AK9: variants seen among roughly 807,000 people sequenced by gnomAD.
AK9 encodes the protein adenylate kinase domain containing 1.
AK9 carries 191 observed loss-of-function variants against 239.6 expected under a neutral mutation model. The observed-to-expected ratio is 0.80, with a 90% CI of 0.71 to 0.90. AK9 has a LOEUF of 0.90. Among genes scored for constraint, AK9 ranks in the 40% least tolerant of loss-of-function variants. The pLI, the probability that AK9 is intolerant of heterozygous loss-of-function variation, is 0.00. For synonymous variants in AK9, 689 were observed against 721.0 expected (o/e 0.96, Z 0.71); for missense variants, 1,995 against 2,214.7 (o/e 0.90, Z 1.99).
In AK9 at chr6:109,671,814, T is replaced by C. The variant is rs142068245; in HGVS notation, c.331+105A>G. On this transcript the variant is annotated intron_variant, in intron 5 of 40. Coordinates refer to ENST00000424296, the MANE Select transcript of AK9 (RefSeq NM_001145128.3). ...CTGAATAGAGATAATGAGATTCTTA[T>C]GCTAAGGCAAAAGAAAGGGCAACTC... 6.5e-5 allele frequency: 59 copies of C among 903,382 alleles called. 1 individual carries two copies. Among genetic ancestry groups the C allele is most frequent in the South Asian group, 5.5e-4 (33 of 60,262 alleles). The allele number at this position is 903,382 out of a possible 1,614,324, so 56.0% of individuals were successfully genotyped here.
chr6:109,655,558 C>CT (rs1438673850), intron 8 of AK9, among the ~76,000 whole-genome samples: 1 of 152,112 alleles, frequency 6.6e-6, no homozygotes, highest in African/African-American at 2.4e-5. Flanking sequence ...AGCTATCATT[C>CT]TTTTTCCTTT....
intron 17 of AK9, among the ~76,000 whole-genome samples, chr6:109,599,425 T>C (rs937773770): frequency 2.0e-5 from 3 of 152,176 alleles, no homozygotes; most frequent in Admixed American, 1.3e-4. Context: ...TTCTGTTCCA[T>C]TGGTCTATGT....
chr6:109,494,558 C>T (rs1160506283), intron 39 of AK9: 1 of 153,056 alleles, frequency 6.5e-6, no homozygotes, highest in South Asian at 2.1e-4. Flanking sequence ...GATTCCAGAG[C>T]CCAGAAGAAG....
Position 109,514,236 on chromosome 6 carries a change from C to T in AK9, c.4267G>A (p.Gly1423Arg). 6.4e-7 allele frequency: 1 copy of T among 1,550,460 alleles called. No individual in the cohort carries two copies. The highest frequency in any genetic ancestry group is 1.2e-5 in the South Asian group (1 of 83,708). Residue 1423 changes from glycine (G) to arginine (R), a missense_variant, in exon 32 of 41, where the codon GGG becomes AGG. By Grantham distance (125) the Gly-to-Arg change is moderately radical (BLOSUM62 -2). This residue lies in a region of AK9 where 1,290 missense variants were observed against 1,392.7 expected (regional missense o/e 0.93). Coordinates refer to ENST00000424296, the MANE Select transcript of AK9 (RefSeq NM_001145128.3). ...RIIIVGPPKS[G>R]KTTVAKKITS... ...AACATACGCTCACCTGTAGTTTTCC[C>T]AGATTTTGGAGGCCCCACAATTATA...
intron 17 of AK9, among the ~76,000 whole-genome samples, chr6:109,602,448 T>C (rs1483784903): frequency 1.3e-5 from 2 of 152,218 alleles, no homozygotes; most frequent in Non-Finnish European, 2.9e-5. Context: ...GATCCGCTGT[T>C]AGTCTGGTGG....
intron 17 of AK9, among the ~76,000 whole-genome samples, chr6:109,591,381 C>A (rs573652551): frequency 4.6e-5 from 7 of 152,124 alleles, no homozygotes; most frequent in African/African-American, 1.7e-4. Context: ...ATATCTTTTT[C>A]CATCCCTTTA....
chr6:109,550,036 C>T, intron 25 of AK9, 54 bp downstream of exon 25: 1 of 1,540,592 alleles, frequency 6.5e-7, no homozygotes, highest in East Asian at 2.3e-5. Context: ...GATTGGTAAT[C>T]AGTCCCAAAA....
At chr6:109,583,468 A>T (rs1372295687) in intron 19 of AK9, among the ~76,000 whole-genome samples, 1 of 152,132 alleles carries the variant, frequency 6.6e-6, no homozygotes, top group Non-Finnish European at 1.5e-5. Flanking sequence ...TTTCTAACCA[A>T]CCTATAAGGC....
At chr6:109,626,504 C>A (rs1167297876) in intron 12 of AK9, among the ~76,000 whole-genome samples, 1 of 152,092 alleles carries the variant, frequency 6.6e-6, no homozygotes, top group Non-Finnish European at 1.5e-5. Context: ...TGTTGCTTAA[C>A]AATGGGGATA....
intron 28 of AK9, among the ~76,000 whole-genome samples, chr6:109,531,987 T>C (rs537503225): frequency 6.6e-6 from 1 of 152,322 alleles, no homozygotes; most frequent in Admixed American, 6.5e-5. Context: ...GGATTTCCTC[T>C]GGCTAACCCC....
intron 19 of AK9, among the ~76,000 whole-genome samples, chr6:109,584,737 T>A (rs1562448897): frequency 6.6e-6 from 1 of 152,062 alleles, no homozygotes; most frequent in Non-Finnish European, 1.5e-5. Flanking sequence ...ATTTTAGTCA[T>A]GTCGCACAAG....
chr6:109,641,813 G>T (rs115888147), intron 9 of AK9, among the ~76,000 whole-genome samples, 197 bp from the exon 10 acceptor site: 5,446 of 152,164 alleles, frequency 0.036, 323 homozygotes, highest in African/African-American at 0.13. Context: ...CTCTGCCTCT[G>T]TTGTCACAGA....
intron 35 of AK9, among the ~76,000 whole-genome samples, chr6:109,499,717 G>A (rs1487675847): frequency 2.6e-5 from 4 of 152,008 alleles, no homozygotes; most frequent in African/African-American, 9.7e-5. Flanking sequence ...TTGTGCCTCA[G>A]CCTCCCAAGT....
chr6:109,630,488 T>C (rs1795994474), intron 12 of AK9, among the ~76,000 whole-genome samples: 2 of 152,218 alleles, frequency 1.3e-5, no homozygotes, highest in African/African-American at 4.8e-5. Flanking sequence ...TCAAGATTTA[T>C]TGTAAAGCTA....
chr6:109,651,682 TAAA>T (rs1169502952), intron 8 of AK9, among the ~76,000 whole-genome samples: 1 of 151,200 alleles, frequency 6.6e-6, no homozygotes, highest in Non-Finnish European at 1.5e-5. Context: ...ACAAGACTAA[TAAA>T]GAAGAAAAGA....
At chr6:109,498,909 G>C (rs745572191) in intron 36 of AK9, 135 bp downstream of exon 36, 23 of 670,984 alleles carry the variant, frequency 3.4e-5, no homozygotes, top group Non-Finnish European at 5.3e-5. Context: ...TTGCTTCACT[G>C]GTCCCAGAGT....
At chr6:109,495,523 G>A in intron 38 of AK9, 83 bp from the exon 39 acceptor site, 1 of 994,448 alleles carries the variant, frequency 1.0e-6, no homozygotes, top group South Asian at 2.3e-5. Context: ...ACTATTAGAA[G>A]ATAAAGTTCA....
At chr6:109,516,355 G>A in intron 30 of AK9, 75 bp downstream of exon 30, 2 of 1,251,836 alleles carry the variant, frequency 1.6e-6, no homozygotes, top group Admixed American at 2.3e-5. Context: ...TAAAGAAATG[G>A]CATGAACTAA....
intron 8 of AK9, among the ~76,000 whole-genome samples, chr6:109,652,061 A>G (rs1799039746): frequency 6.6e-6 from 1 of 152,230 alleles, no homozygotes; most frequent in Non-Finnish European, 1.5e-5. Flanking sequence ...TTATGAGGCC[A>G]GCATCATCCT....
Sources: allele counts gnomAD v4.1 joint callset (sites outside exome capture counted in the v4.1 genomes callset), GRCh38; gene constraint gnomAD v4.1.1; regional missense constraint gnomAD v4.1.1; transcripts MANE v1.5; gene names NCBI Gene and HGNC (gene_info 2026-07-23, HGNC 2026-07-21).